Variants in COL4A2 observed in about 807,000 individuals in gnomAD.
COL4A2 encodes collagen type IV alpha 2 chain.
Under a neutral mutation model 200.2 loss-of-function variants are expected in COL4A2, and 99 were observed. That is an observed-to-expected ratio of 0.49 (90% CI 0.42 to 0.58). The LOEUF is 0.58. Among genes scored for constraint, COL4A2 ranks in the 20% least tolerant of loss-of-function variants. The pLI is 0.00. For synonymous variants in COL4A2, 897 were observed against 900.6 expected (o/e 1.00, Z 0.07); for missense variants, 1,950 against 2,314.1 (o/e 0.84, Z 3.23).
intron 47 of COL4A2, among the ~76,000 whole-genome samples, chr13:110,511,586 G>A (rs1594120406): frequency 1.3e-5 from 2 of 152,284 alleles, no homozygotes; most frequent in African/African-American, 4.8e-5. Context: ...GGATGATTAG[G>A]CAGATGTTTT....
intron 29 of COL4A2, chr13:110,473,521 G>C (rs1378511141): frequency 2.2e-5 from 5 of 222,758 alleles, no homozygotes; most frequent in African/African-American, 1.1e-4. Context: ...TTAGTCAGAG[G>C]TGAAGAAGGA....
chr13:110,476,412 A>C (rs1882704873), intron 29 of COL4A2, among the ~76,000 whole-genome samples: 1 of 152,246 alleles, frequency 6.6e-6, no homozygotes, highest in Non-Finnish European at 1.5e-5. Context: ...AGAGAATCTC[A>C]TTTCAGACCT....
intron 3 of COL4A2, among the ~76,000 whole-genome samples, chr13:110,308,819 T>C (rs1420784227): frequency 6.6e-6 from 1 of 152,186 alleles, no homozygotes; most frequent in Non-Finnish European, 1.5e-5. Flanking sequence ...TTTTATACGT[T>C]TTGTTTAAAG....
rs1211482396 is a variant in COL4A2 at position 110,434,394 on chromosome 13, T to A, written c.685-7T>A. 2 of 1,609,618 alleles carry A rather than the reference T, an allele frequency of 1.2e-6. No homozygotes were observed. The highest frequency in any genetic ancestry group is 3.4e-5 in the Admixed American group (2 of 59,068). On this transcript the variant is annotated splice_polypyrimidine_tract_variant and splice_region_variant and intron_variant, in intron 11 of 47. Coordinates refer to ENST00000360467, the MANE Select transcript of COL4A2 (RefSeq NM_001846.4). The stretch of plus-strand genomic sequence containing the variant: ...TTAAAACTTACAGAAATTATTTATC[T>A]TTTCAGGGCAACAGAGGACTTGGTT...
At chr13:110,437,914 TTCAGCTCATG>T in intron 13 of COL4A2, 78 bp from the exon 14 acceptor site, 1 of 1,062,206 alleles carries the variant, frequency 9.4e-7, no homozygotes, top group South Asian at 1.3e-5. Context: ...ATTCAGTACT[TTCAGCTCATG>T]TCATGAACCC....
intron 4 of COL4A2, among the ~76,000 whole-genome samples, chr13:110,414,566 ACT>A (rs1879969102): frequency 6.6e-6 from 1 of 151,714 alleles, no homozygotes. Flanking sequence ...CCCCCAGGTG[ACT>A]CTCACGCTGC....
In COL4A2 at chr13:110,504,486, C is replaced by T. The variant is rs576947272; in HGVS notation, c.4402+222C>T. ...CAGCCTCCCTCCTTTTCCTGGGACA[C>T]CTGCGGTGCTGTGGAGTGGGCGGCA... is the stretch of plus-strand genomic sequence containing the variant. On this transcript the variant is annotated intron_variant, in intron 45 of 47. Coordinates refer to ENST00000360467, the MANE Select transcript of COL4A2 (RefSeq NM_001846.4). Among the ~76,000 whole-genome samples, 438 of 152,308 alleles carry T rather than the reference C, an allele frequency of 2.9e-3. 2 individuals carry two copies. The highest frequency in any genetic ancestry group is 5.3e-3 in the Non-Finnish European group (360 of 68,028).
At chr13:110,321,612 G>A (rs1885280716) in intron 3 of COL4A2, among the ~76,000 whole-genome samples, 1 of 152,174 alleles carries the variant, frequency 6.6e-6, no homozygotes, top group African/African-American at 2.4e-5. Context: ...ACTTCGTTTA[G>A]TATAATGTCC....
chr13:110,334,396 A>G (rs1047646463), intron 3 of COL4A2, among the ~76,000 whole-genome samples: 1 of 152,236 alleles, frequency 6.6e-6, no homozygotes. Flanking sequence ...ATTCTGTTCC[A>G]GAGGCTTCCC....
intron 3 of COL4A2, among the ~76,000 whole-genome samples, chr13:110,345,474 G>T (rs892960034): frequency 6.6e-6 from 1 of 152,200 alleles, no homozygotes; most frequent in East Asian, 1.9e-4. Context: ...GAGGACAGCA[G>T]ATGCTGGCTT....
At chr13:110,423,523 G>A (rs1302178346) in intron 4 of COL4A2, among the ~76,000 whole-genome samples, 1 of 152,088 alleles carries the variant, frequency 6.6e-6, no homozygotes, top group Admixed American at 6.5e-5. Context: ...ATACTTTATT[G>A]TATTAAGTTC....
At chr13:110,474,995 C>CA (rs1053785760) in intron 29 of COL4A2, among the ~76,000 whole-genome samples, 7 of 151,830 alleles carry the variant, frequency 4.6e-5, no homozygotes, top group African/African-American at 1.7e-4. Flanking sequence ...TGTGCACACT[C>CA]ACACATGATC....
At position 110,513,043 on chromosome 13, in the gene COL4A2, C is replaced by G. The variant is rs6492279; in HGVS notation, c.*852C>G. 1 of 151,996 alleles carries G rather than the reference C, an allele frequency of 6.6e-6. No homozygotes were observed. The highest frequency in any genetic ancestry group is 2.4e-5 in the African/African-American group (1 of 41,338). The allele number at this position is 151,996 out of a possible 1,614,324, so 9.4% of individuals were successfully genotyped here. A position where few individuals can be genotyped will look rare whatever the true frequency, so the allele number is the denominator to read the frequency against. On this transcript the variant is annotated 3_prime_UTR_variant, in exon 48 of 48. Transcript: ENST00000360467. ...TATTTTTAAACCCCGAGTTGTTGAC[C>G]GCCTTAATCTCGTGTCCATAGAGCA...
At chr13:110,370,799 G>A (rs1321658538) in intron 4 of COL4A2, among the ~76,000 whole-genome samples, 1 of 152,194 alleles carries the variant, frequency 6.6e-6, no homozygotes, top group African/African-American at 2.4e-5. Context: ...GACATAGACA[G>A]TCCATGAAGA....
chr13:110,462,835 G>A (rs761081203), intron 24 of COL4A2, among the ~76,000 whole-genome samples: 5 of 152,158 alleles, frequency 3.3e-5, no homozygotes, highest in South Asian at 2.1e-4. Context: ...TCAGAGGCGC[G>A]GGAGGCAGCC....
intron 22 of COL4A2, among the ~76,000 whole-genome samples, chr13:110,461,439 G>A (rs1882022460): frequency 6.6e-6 from 1 of 152,392 alleles, no homozygotes; most frequent in South Asian, 2.1e-4. Flanking sequence ...AGAGCCCAGG[G>A]ACACTGAAGA....
chr13:110,501,333 C>G (rs1390642124), intron 40 of COL4A2, among the ~76,000 whole-genome samples: 2 of 152,196 alleles, frequency 1.3e-5, no homozygotes, highest in East Asian at 3.9e-4. Context: ...AGAGTCTGAC[C>G]AGCTGTGCCT....
chr13:110,359,167 G>A (rs532713023), intron 4 of COL4A2, among the ~76,000 whole-genome samples: 96 of 152,178 alleles, frequency 6.3e-4, no homozygotes, highest in Non-Finnish European at 1.2e-3. Flanking sequence ...AGATAAGTAA[G>A]AGGAAAAAAG....
At chr13:110,472,119 A>C (rs4990771) in intron 28 of COL4A2, among the ~76,000 whole-genome samples, 1 of 148,526 alleles carries the variant, frequency 6.7e-6, no homozygotes, top group African/African-American at 2.5e-5. Flanking sequence ...TTTTCTTTTT[A>C]TTTTTTTCTC....
Sources: allele counts gnomAD v4.1 joint callset (sites outside exome capture counted in the v4.1 genomes callset), GRCh38; gene constraint gnomAD v4.1.1; transcripts MANE v1.5; gene names NCBI Gene and HGNC (gene_info 2026-07-23, HGNC 2026-07-21).